The following GRAMD1B variants were observed in gnomAD, a reference collection of about 807,000 sequenced individuals.
GRAMD1B encodes the protein protein Aster-B.
Under a neutral mutation model 99.7 loss-of-function variants are expected in GRAMD1B, and 37 were observed. That is an observed-to-expected ratio of 0.37 (90% confidence interval 0.29 to 0.49). GRAMD1B has a LOEUF of 0.49. Among genes scored for constraint, GRAMD1B ranks in the 20% least tolerant of loss-of-function variants. GRAMD1B has a pLI of 0.98. For synonymous variants in GRAMD1B, 427 were observed against 387.6 expected (o/e 1.10, Z -1.19); for missense variants, 888 against 1,009.2 (o/e 0.88, Z 1.63).
intron 1 of GRAMD1B, among the ~76,000 whole-genome samples, chr11:123,390,229 CA>C (rs1947227429): frequency 6.7e-6 from 1 of 150,320 alleles, no homozygotes; most frequent in African/African-American, 2.5e-5. Context: ...TTTCTTTATA[CA>C]AAAACACTAC....
intron 1 of GRAMD1B, among the ~76,000 whole-genome samples, chr11:123,404,163 A>T (rs1947772975): frequency 6.6e-6 from 1 of 152,082 alleles, no homozygotes; most frequent in Admixed American, 6.5e-5. Context: ...TTTTGGCAGG[A>T]TTGCACACAA....
chr11:123,520,267 T>C (rs1362430753), intron 2 of GRAMD1B, among the ~76,000 whole-genome samples: 1 of 152,126 alleles, frequency 6.6e-6, no homozygotes, highest in East Asian at 1.9e-4. Flanking sequence ...ACCAACTTCA[T>C]GTTCATTAAA....
chr11:123,404,702 A>T, intron 1 of GRAMD1B, among the ~76,000 whole-genome samples: 1 of 152,238 alleles, frequency 6.6e-6, no homozygotes. Flanking sequence ...TCATGAGAAA[A>T]TCTGAAATGG....
chr11:123,562,855 A>G (rs1269171098), intron 2 of GRAMD1B, among the ~76,000 whole-genome samples: 1 of 152,232 alleles, frequency 6.6e-6, no homozygotes, highest in African/African-American at 2.4e-5. Flanking sequence ...AGAGACTCCT[A>G]AAGGAACAGT....
chr11:123,558,463 G>A (rs1020898081), intron 2 of GRAMD1B, among the ~76,000 whole-genome samples: 1 of 152,100 alleles, frequency 6.6e-6, no homozygotes, highest in Non-Finnish European at 1.5e-5. Context: ...AACCGTTCTC[G>A]GGTGCTTTCA....
At chr11:123,487,772 A>G (rs997473548) in intron 2 of GRAMD1B, among the ~76,000 whole-genome samples, 9 of 152,090 alleles carry the variant, frequency 5.9e-5, no homozygotes, top group African/African-American at 1.9e-4. Flanking sequence ...ATGCCCAGCT[A>G]ATTTTTGTAT....
chr11:123,578,500 C>G (rs1240939376), intron 3 of GRAMD1B: 1 of 1,123,606 alleles, frequency 8.9e-7, no homozygotes, highest in East Asian at 2.6e-5. Flanking sequence ...GCTCAGCACC[C>G]CCTCCCTCTG....
chr11:123,411,195 G>C (rs776972931), intron 1 of GRAMD1B, among the ~76,000 whole-genome samples: 4 of 151,652 alleles, frequency 2.6e-5, no homozygotes, highest in Non-Finnish European at 5.9e-5. Flanking sequence ...TAGTAGAGAC[G>C]GTATTTCACC....
chr11:123,573,956 T>G (rs969463228), intron 2 of GRAMD1B, among the ~76,000 whole-genome samples: 2 of 151,934 alleles, frequency 1.3e-5, no homozygotes, highest in African/African-American at 2.4e-5. Flanking sequence ...TCCAGGAGTT[T>G]GTAGGTCCTT....
At chr11:123,467,416 T>TTTTTTG (rs1555127430) in intron 1 of GRAMD1B, among the ~76,000 whole-genome samples, 1 of 139,362 alleles carries the variant, frequency 7.2e-6, no homozygotes, top group African/African-American at 2.7e-5. Flanking sequence ...TTTTTTTTTT[T>TTTTTTG]ACTGACTTTC....
At chr11:123,419,153 A>G (rs1437919003) in intron 1 of GRAMD1B, among the ~76,000 whole-genome samples, 1 of 152,212 alleles carries the variant, frequency 6.6e-6, no homozygotes, top group Non-Finnish European at 1.5e-5. Context: ...GTCAACTTGA[A>G]GAGCAAGAGC....
intron 1 of GRAMD1B, among the ~76,000 whole-genome samples, chr11:123,408,265 A>G (rs910485358): frequency 6.6e-6 from 1 of 152,244 alleles, no homozygotes; most frequent in Non-Finnish European, 1.5e-5. Context: ...TAGAAAATGA[A>G]GTGAAATGGA....
intron 3 of GRAMD1B, among the ~76,000 whole-genome samples, chr11:123,581,971 CT>C (rs1206455864): frequency 6.6e-6 from 1 of 152,252 alleles, no homozygotes; most frequent in Non-Finnish European, 1.5e-5. Context: ...GCCCATGTTC[CT>C]GTTGCCCCCT....
chr11:123,456,152 G>A (rs987165570), intron 1 of GRAMD1B, among the ~76,000 whole-genome samples: 22 of 152,060 alleles, frequency 1.4e-4, no homozygotes, highest in African/African-American at 5.3e-4. Flanking sequence ...TCCAGCCTGG[G>A]CGACAGAGAG....
At chr11:123,604,321 G>A (rs1037163159) in intron 9 of GRAMD1B, among the ~76,000 whole-genome samples, 3 of 152,220 alleles carry the variant, frequency 2.0e-5, no homozygotes, top group African/African-American at 7.2e-5. Context: ...ACTCAGTGAG[G>A]GAAAGAAGCA....
At chr11:123,447,443 C>G (rs1196118599) in intron 1 of GRAMD1B, among the ~76,000 whole-genome samples, 1 of 152,164 alleles carries the variant, frequency 6.6e-6, no homozygotes, top group African/African-American at 2.4e-5. Context: ...CAGGAAGGAG[C>G]CGTATCTTCA....
intron 1 of GRAMD1B, among the ~76,000 whole-genome samples, chr11:123,454,228 C>T (rs1271267207): frequency 1.3e-5 from 2 of 152,230 alleles, no homozygotes; most frequent in African/African-American, 4.8e-5. Context: ...TAAGGCATCT[C>T]TCCAATTTCC....
intron 1 of GRAMD1B, among the ~76,000 whole-genome samples, chr11:123,405,687 T>A (rs1377744167): frequency 6.6e-6 from 1 of 152,170 alleles, no homozygotes; most frequent in Non-Finnish European, 1.5e-5. Flanking sequence ...CAAAAGCTGA[T>A]CACTCTCGTT....
chr11:123,468,202 A>C (rs1414351401), intron 1 of GRAMD1B, among the ~76,000 whole-genome samples: 1 of 152,172 alleles, frequency 6.6e-6, no homozygotes, highest in East Asian at 1.9e-4. Flanking sequence ...AGTATGCACA[A>C]GGAAGGAAGG....
Sources: gnomAD v4.1 joint callset for allele counts (sites outside exome capture counted in the v4.1 genomes callset) on GRCh38, gnomAD v4.1.1 for gene constraint, MANE v1.5 for transcripts, NCBI Gene and HGNC (gene_info 2026-07-23, HGNC 2026-07-21) for gene names.